The following PARP1 variants were observed in gnomAD, a reference collection of about 807,000 sequenced individuals.
PARP1 encodes poly(ADP-ribose) polymerase 1.
A neutral mutation model predicts 118.7 loss-of-function variants in PARP1; 44 were observed. The ratio of observed to expected loss-of-function variants is 0.37; its 90% confidence interval spans 0.29 to 0.48. The LOEUF is 0.48. Ranked by LOEUF, PARP1 falls within the 20% of genes least tolerant of loss-of-function variation. The pLI is 0.99. For synonymous variants in PARP1, 492 were observed against 483.2 expected (o/e 1.02, Z -0.24); for missense variants, 1,100 against 1,272.4 (o/e 0.86, Z 2.06).
intron 1 of PARP1, among the ~76,000 whole-genome samples, chr1:226,403,425 G>A (rs377405256): frequency 6.6e-6 from 1 of 152,222 alleles, no homozygotes; most frequent in Non-Finnish European, 1.5e-5. Flanking sequence ...TGACCCGCCC[G>A]CCTCGGCTTC....
At chr1:226,392,390 A>G (rs1022959711) in intron 2 of PARP1, 76 bp from the exon 3 acceptor site, 2 of 990,338 alleles carry the variant, frequency 2.0e-6, no homozygotes, top group African/African-American at 1.6e-5. Context: ...GTCCTCTTCT[A>G]CCTCCCCAGG....
Position 226,363,120 on chromosome 1 carries a change from T to TG in PARP1, c.2826dup (p.Lys943GlnfsTer15). ...TTACCTTTGACACTGTGCTTGCCCT[T>TG]GGGTAACTTGCTGATATGTGAAGCG... On this transcript the variant is annotated frameshift_variant, in exon 21 of 23. Transcript: ENST00000366794. LOFTEE classifies it high-confidence loss of function. The TG allele has an allele frequency of 6.2e-7, 1 of 1,613,738 alleles. No individual in the cohort carries two copies. The highest frequency in any genetic ancestry group is 8.5e-7 in the Non-Finnish European group (1 of 1,179,616).
At chr1:226,377,083 C>G in intron 13 of PARP1, 25 bp downstream of exon 13, 1 of 1,591,338 alleles carries the variant, frequency 6.3e-7, no homozygotes, top group Non-Finnish European at 8.6e-7. Context: ...TAGAAGCAGA[C>G]AGTGTAAGGG....
chr1:226,371,750 A>C (rs564071849), intron 14 of PARP1, among the ~76,000 whole-genome samples: 1 of 152,348 alleles, frequency 6.6e-6, no homozygotes, highest in Admixed American at 6.5e-5. Context: ...GCATGGCCAG[A>C]GTGAGGGCAG....
At chr1:226,387,139 C>G (rs571373787) in intron 5 of PARP1, among the ~76,000 whole-genome samples, 2 of 152,124 alleles carry the variant, frequency 1.3e-5, no homozygotes, top group African/African-American at 4.8e-5. Context: ...TGCACCACCA[C>G]GCCCAGCTAA....
At chr1:226,379,696 G>C (rs1037701699) in intron 10 of PARP1, 55 bp from the exon 11 acceptor site, 2 of 1,454,008 alleles carry the variant, frequency 1.4e-6, no homozygotes, top group African/African-American at 2.8e-5. Context: ...TAAAAAGTAA[G>C]GGGAAGGTAG....
intron 12 of PARP1, among the ~76,000 whole-genome samples, chr1:226,378,526 G>A (rs891267018): frequency 6.6e-6 from 1 of 152,172 alleles, no homozygotes; most frequent in African/African-American, 2.4e-5. Flanking sequence ...TGTAAAATCA[G>A]AAAATCTTGA....
intron 2 of PARP1, among the ~76,000 whole-genome samples, chr1:226,398,099 G>A (rs1664961752): frequency 7.6e-6 from 1 of 131,770 alleles, no homozygotes; most frequent in African/African-American, 3.0e-5. Flanking sequence ...ATATGACCTT[G>A]GGTCTGGTGA....
intron 9 of PARP1, 83 bp from the exon 10 acceptor site, chr1:226,380,247 G>T: frequency 1.5e-6 from 2 of 1,363,018 alleles, no homozygotes; most frequent in Non-Finnish European, 1.0e-6. Context: ...TATATTTAGT[G>T]TGTACTTCCA....
chr1:226,373,145 C>T (rs1013417773), intron 14 of PARP1, among the ~76,000 whole-genome samples: 2 of 152,160 alleles, frequency 1.3e-5, no homozygotes, highest in Non-Finnish European at 2.9e-5. Context: ...GTTTATACTG[C>T]CCAGTTTTGA....
intron 14 of PARP1, among the ~76,000 whole-genome samples, chr1:226,373,643 C>T (rs1322190992): frequency 6.6e-6 from 1 of 152,204 alleles, no homozygotes; most frequent in African/African-American, 2.4e-5. Flanking sequence ...ACCCCCACCC[C>T]ACTGCCAACC....
intron 14 of PARP1, among the ~76,000 whole-genome samples, chr1:226,372,271 C>A (rs1330996296): frequency 6.6e-6 from 1 of 152,238 alleles, no homozygotes; most frequent in Admixed American, 6.5e-5. Flanking sequence ...GGGCACCCCG[C>A]TTTCCACACA....
intron 1 of PARP1, among the ~76,000 whole-genome samples, chr1:226,402,841 C>G (rs1401192561): frequency 6.6e-6 from 1 of 152,150 alleles, no homozygotes; most frequent in Non-Finnish European, 1.5e-5. Context: ...GCCTGTGTGC[C>G]CCAGAAAAGG....
In PARP1 at chr1:226,367,515, C is replaced by T. The variant is rs374662166; in HGVS notation, c.2371G>A (p.Asp791Asn). 186 of 1,614,134 alleles carry T rather than the reference C, an allele frequency of 1.2e-4. 4 individuals are homozygous for T. The South Asian group carries it at 1.4e-3, about 12-fold the overall frequency. ...GSDDSSKDPI[D>N]VNYEKLKTDI... is the part of the protein sequence containing the mutation. ...GTTTTGAGCTTCTCATAGTTGACATCGATGGGATCCTTGCTGCTATCATCA... is the reference window on the plus strand; with the variant it reads ...GTTTTGAGCTTCTCATAGTTGACATTGATGGGATCCTTGCTGCTATCATCA... Residue 791 changes from aspartate (D) to asparagine (N), a missense_variant, in exon 17 of 23, where the codon GAT becomes AAT. Coordinates refer to ENST00000366794, the MANE Select transcript of PARP1 (RefSeq NM_001618.4).
At chr1:226,374,452 A>G in intron 13 of PARP1, 98 bp from the exon 14 acceptor site, 2 of 1,436,636 alleles carry the variant, frequency 1.4e-6, no homozygotes, top group South Asian at 1.2e-5. Flanking sequence ...GACACAGGCT[A>G]GAGTGCCACC....
At position 226,388,727 on chromosome 1, in the gene PARP1, C is replaced by G; in HGVS notation, c.646G>C (p.Val216Leu). The change falls in exon 5 of 23, where the codon GTG becomes CTG. Residue 216 changes from valine to leucine, a missense_variant. By Grantham distance (32) the Val-to-Leu change is conservative (BLOSUM62 1). Around this residue, in one of 2 missense-constraint regions of PARP1, gnomAD observed 948 missense variants for 1,031.8 expected, o/e 0.92. Transcript: ENST00000366794. ...GKRKGDEVDG[V>L]DEVAKKKSKK... ...GATTTCTTCTTCGCCACTTCATCCA[C>G]TCCATCCACCTCATCGCCTTTTCTC... The G allele has an allele frequency of 6.2e-7, 1 of 1,613,982 alleles. No homozygotes were observed.
intron 1 of PARP1, among the ~76,000 whole-genome samples, chr1:226,404,824 C>T (rs759160570): frequency 6.6e-6 from 1 of 152,262 alleles, no homozygotes. Flanking sequence ...CCTCACCCAA[C>T]CAGCAGCTGG....
At chr1:226,361,633 C>T in intron 22 of PARP1, 92 bp from the exon 23 acceptor site, 1 of 949,606 alleles carries the variant, frequency 1.1e-6, no homozygotes, top group Non-Finnish European at 1.7e-6. Flanking sequence ...ACGCTCAGTG[C>T]CAGCCTGAAA....
chr1:226,399,662 C>T (rs1180691359), intron 2 of PARP1, among the ~76,000 whole-genome samples: 1 of 152,158 alleles, frequency 6.6e-6, no homozygotes, highest in Non-Finnish European at 1.5e-5. Flanking sequence ...CTCATGTAAA[C>T]TACAGACCTC....
Sources: gnomAD v4.1 joint callset for allele counts (sites outside exome capture counted in the v4.1 genomes callset) on GRCh38, gnomAD v4.1.1 for gene constraint, gnomAD v4.1.1 regional missense constraint, MANE v1.5 for transcripts, NCBI Gene and HGNC (gene_info 2026-07-23, HGNC 2026-07-21) for gene names.